Variants in WDR17 observed in about 807,000 individuals in gnomAD.
WDR17 encodes WD repeat domain 17.
WDR17 carries 143 observed loss-of-function variants against 161.7 expected under a neutral mutation model. That is an observed-to-expected ratio of 0.88 (90% CI 0.77 to 1.02). The LOEUF is 1.02. Ranked by LOEUF, WDR17 falls within the 50% of genes least tolerant of loss-of-function variation. The pLI, the probability that WDR17 is intolerant of heterozygous loss-of-function variation, is 0.00. For synonymous variants in WDR17, 517 were observed against 515.6 expected, an observed-to-expected ratio of 1.00 and a Z score of -0.04; for missense variants, 1,469 against 1,520.9, an observed-to-expected ratio of 0.97 and a Z score of 0.57.
intron 1 of WDR17, among the ~76,000 whole-genome samples, chr4:176,074,531 A>C (rs1431766200): frequency 2.0e-5 from 3 of 151,954 alleles, no homozygotes; most frequent in African/African-American, 7.2e-5. Context: ...ATCATAGCTC[A>C]CTGCAGCCTC....
At chr4:176,071,834 G>A (rs941323923) in intron 1 of WDR17, among the ~76,000 whole-genome samples, 5 of 152,142 alleles carry the variant, frequency 3.3e-5, no homozygotes, top group African/African-American at 4.8e-5. Flanking sequence ...TAAAATGGAG[G>A]AAAGTATAAA....
At chr4:176,152,830 G>A (rs1747425243) in intron 17 of WDR17, among the ~76,000 whole-genome samples, 1 of 151,560 alleles carries the variant, frequency 6.6e-6, no homozygotes, top group Admixed American at 6.6e-5. Context: ...AGCTACTTGG[G>A]AGGCTGAGGC....
chr4:176,141,163 A>G (rs970258664), intron 10 of WDR17, among the ~76,000 whole-genome samples: 2 of 146,874 alleles, frequency 1.4e-5, no homozygotes, highest in Admixed American at 6.8e-5. Flanking sequence ...TTATTTTTGC[A>G]GTTAAATTAT....
chr4:176,149,949 G>A lies in WDR17; in HGVS notation c.2040G>A (p.Gly680=), dbSNP rs149655099. ...ACAGATCTTGGGAAGAAATTATTGG[G>A]AACACTGGTATGGAACATATACATG... The part of the protein sequence containing the change: ...LADRSWEEII[G]NTDYAIEPGT... The change falls in exon 14 of 29, where the codon GGG becomes GGA. Residue 680 remains glycine, a synonymous_variant. Transcript: ENST00000508596. The A allele has an allele frequency of 6.2e-7, 1 of 1,612,234 alleles. No homozygotes were observed. Among genetic ancestry groups the A allele is most frequent in the African/African-American group, 1.3e-5 (1 of 74,766 alleles).
intron 28 of WDR17, among the ~76,000 whole-genome samples, chr4:176,177,974 A>C (rs986564955): frequency 8.3e-6 from 1 of 120,876 alleles, no homozygotes; most frequent in Non-Finnish European, 1.6e-5. Flanking sequence ...AACAAGAGTG[A>C]AACTCCGTCT....
intron 24 of WDR17, among the ~76,000 whole-genome samples, chr4:176,172,927 C>G (rs1750943058): frequency 6.6e-6 from 1 of 152,148 alleles, no homozygotes; most frequent in South Asian, 2.1e-4. Flanking sequence ...GAATCCACCT[C>G]CATAATCCAA....
At chr4:176,086,217 G>T (rs1486302213) in intron 1 of WDR17, among the ~76,000 whole-genome samples, 1 of 151,876 alleles carries the variant, frequency 6.6e-6, no homozygotes, top group East Asian at 1.9e-4. Context: ...TCTGCACACG[G>T]TTAATTTTTG....
chr4:176,164,290 G>C (rs934557513), intron 22 of WDR17, among the ~76,000 whole-genome samples: 4 of 152,180 alleles, frequency 2.6e-5, no homozygotes, highest in Admixed American at 1.3e-4. Flanking sequence ...ATTCTTAGCT[G>C]TCAGACTACT....
At chr4:176,159,313 G>GGA (rs149384853) in intron 18 of WDR17, among the ~76,000 whole-genome samples, 30,384 of 143,580 alleles carry the variant, frequency 0.21, 3,391 homozygotes, top group South Asian at 0.27. Flanking sequence ...ACACACAGAT[G>GGA]GAGAGAGAGA....
intron 1 of WDR17, among the ~76,000 whole-genome samples, chr4:176,095,113 G>T (rs1050900510): frequency 6.6e-6 from 1 of 151,782 alleles, no homozygotes; most frequent in Non-Finnish European, 1.5e-5. Flanking sequence ...TTCAAAGTAG[G>T]GTAAAAAAAG....
chr4:176,099,845 T>C (rs1737524013), intron 1 of WDR17, among the ~76,000 whole-genome samples: 1 of 152,140 alleles, frequency 6.6e-6, no homozygotes, highest in Non-Finnish European at 1.5e-5. Flanking sequence ...ATGTGATATG[T>C]GACTCTCTGT....
Position 176,181,996 on chromosome 4 carries a change from C to T in WDR17, c.*2417C>T, listed in dbSNP as rs944791464. On this transcript the variant is annotated 3_prime_UTR_variant, in exon 29 of 29. Coordinates refer to ENST00000508596, the MANE Select transcript of WDR17 (RefSeq NM_181265.4). ...TAATTTTTCATAGAATTATAAATGT[C>T]ATTTGACTATGTCAATCTGTATATA... 6.6e-6 allele frequency: 1 copy of T among 151,940 alleles called. No homozygotes were observed. Among genetic ancestry groups the T allele is most frequent in the African/African-American group, 2.4e-5 (1 of 41,394 alleles). 9.4% of individuals were successfully genotyped at this position (151,940 alleles called of 1,614,324 possible).
chr4:176,108,671 A>T (rs910994453), intron 1 of WDR17, among the ~76,000 whole-genome samples: 1 of 151,834 alleles, frequency 6.6e-6, no homozygotes, highest in East Asian at 1.9e-4. Context: ...GGGGTGGGGG[A>T]GGCTATGAGG....
At chr4:176,145,144 C>T (rs1051931621) in intron 11 of WDR17, among the ~76,000 whole-genome samples, 3 of 152,074 alleles carry the variant, frequency 2.0e-5, no homozygotes, top group African/African-American at 7.2e-5. Context: ...TGTGTAACTG[C>T]CTTTCTTTAT....
chr4:176,098,501 G>A (rs1361105095), intron 1 of WDR17, among the ~76,000 whole-genome samples: 1 of 151,794 alleles, frequency 6.6e-6, no homozygotes, highest in Non-Finnish European at 1.5e-5. Flanking sequence ...TTTTGAAATG[G>A]ACCTTCAGTG....
intron 1 of WDR17, among the ~76,000 whole-genome samples, chr4:176,077,181 T>TCC (rs1734162416): frequency 7.5e-6 from 1 of 133,990 alleles, no homozygotes; most frequent in African/African-American, 2.9e-5. Flanking sequence ...TTTTTTTTTT[T>TCC]CACTAAGAGC....
intron 13 of WDR17, among the ~76,000 whole-genome samples, chr4:176,148,801 CG>C (rs1746615572): frequency 1.3e-5 from 2 of 152,170 alleles, no homozygotes; most frequent in Admixed American, 6.5e-5. Flanking sequence ...AATATAATCC[CG>C]TTTTTTTAAT....
At chr4:176,172,251 A>G in intron 23 of WDR17, 124 bp from the exon 24 acceptor site, 1 of 799,016 alleles carries the variant, frequency 1.3e-6, no homozygotes, top group Non-Finnish European at 2.0e-6. Flanking sequence ...TTTCATTTAC[A>G]TCTATTTTAG....
chr4:176,135,391 C>G, intron 8 of WDR17, 115 bp downstream of exon 8: 3 of 1,160,422 alleles, frequency 2.6e-6, no homozygotes, highest in Non-Finnish European at 3.8e-6. Context: ...GAATGTAGAG[C>G]AAATTAGTGT....
Sources: gnomAD v4.1 joint callset for allele counts (sites outside exome capture counted in the v4.1 genomes callset) on GRCh38, gnomAD v4.1.1 for gene constraint, MANE v1.5 for transcripts, NCBI Gene and HGNC (gene_info 2026-07-23, HGNC 2026-07-21) for gene names.